Variants in MICAL2 observed in about 807,000 individuals in gnomAD.
MICAL2 encodes [F-actin]-monooxygenase MICAL2.
MICAL2 carries 77 observed loss-of-function variants against 127.3 expected under a neutral mutation model. That is an observed-to-expected ratio of 0.60 (90% confidence interval 0.50 to 0.73). The LOEUF (loss-of-function observed/expected upper bound fraction) is 0.73, where lower values mean the gene tolerates loss of function less well. Ranked by LOEUF, MICAL2 falls within the 30% of genes least tolerant of loss-of-function variation. The pLI is 0.00. For missense variants in MICAL2, 1,351 were observed against 1,434.4 expected, an observed-to-expected ratio of 0.94 and a Z score of 0.94; for synonymous variants, 570 against 551.1, an observed-to-expected ratio of 1.03 and a Z score of -0.48.
chr11:12,287,405 T>C (rs986758563), downstream of MICAL2: 2 of 339,442 alleles, frequency 5.9e-6, no homozygotes, highest in Admixed American at 4.8e-5. Flanking sequence ...TCAGGAATTA[T>C]GGAGCCTTAG....
chr11:12,123,210 CT>C (rs1470265854), intron 1 of MICAL2, among the ~76,000 whole-genome samples: 9 of 152,198 alleles, frequency 5.9e-5, no homozygotes, highest in South Asian at 4.1e-4. Context: ...TTTAGACATA[CT>C]TTTTTTATTT....
At chr11:12,136,596 C>T (rs987140178) in intron 1 of MICAL2, among the ~76,000 whole-genome samples, 2 of 152,172 alleles carry the variant, frequency 1.3e-5, no homozygotes, top group African/African-American at 4.8e-5. Context: ...GTATCAAGCT[C>T]CTCATTTTAT....
chr11:12,230,240 A>G (rs1858052144), intron 15 of MICAL2, among the ~76,000 whole-genome samples: 3 of 152,192 alleles, frequency 2.0e-5, no homozygotes, highest in Admixed American at 6.5e-5. Flanking sequence ...AACATTTCCC[A>G]TTAGCAAAGA....
chr11:12,316,353 T>G (rs1864231449), intron 29 of MICAL2, among the ~76,000 whole-genome samples: 1 of 151,848 alleles, frequency 6.6e-6, no homozygotes, highest in African/African-American at 2.4e-5. Context: ...TATTAATGTT[T>G]TATGATTTTC....
At chr11:12,273,448 A>G (rs145728154), upstream of MICAL2, among the ~76,000 whole-genome samples, 63 of 151,972 alleles carry the variant, frequency 4.1e-4, no homozygotes, top group African/African-American at 1.4e-3. Flanking sequence ...CCCCAGTTAC[A>G]CTAACTTAGA....
chr11:12,131,726 T>G (rs994316362), intron 1 of MICAL2, among the ~76,000 whole-genome samples: 1 of 152,134 alleles, frequency 6.6e-6, no homozygotes, highest in African/African-American at 2.4e-5. Flanking sequence ...TCCAGGCAGT[T>G]GCATGGAGGC....
intron 3 of MICAL2, among the ~76,000 whole-genome samples, chr11:12,191,223 G>A (rs963726662): frequency 6.6e-6 from 1 of 152,160 alleles, no homozygotes; most frequent in African/African-American, 2.4e-5. Flanking sequence ...CCAGCACTTT[G>A]GGAGGCTGAG....
chr11:12,136,465 C>T (rs1416122317), intron 1 of MICAL2, among the ~76,000 whole-genome samples: 1 of 152,126 alleles, frequency 6.6e-6, no homozygotes, highest in Non-Finnish European at 1.5e-5. Flanking sequence ...CAAGGCAATA[C>T]CTGTACACAG....
At chr11:12,212,704 C>G (rs1370309114) in intron 6 of MICAL2, among the ~76,000 whole-genome samples, 1 of 152,002 alleles carries the variant, frequency 6.6e-6, no homozygotes, top group Non-Finnish European at 1.5e-5. Flanking sequence ...AATAGAGTCA[C>G]ATACTGAGGT....
intron 6 of MICAL2, 88 bp from the exon 7 acceptor site, chr11:12,213,167 C>T (rs931089906): frequency 7.1e-7 from 1 of 1,406,644 alleles, no homozygotes; most frequent in Non-Finnish European, 9.7e-7. Flanking sequence ...GCCTGGGAGG[C>T]ATCTGGGAAC....
intron 1 of MICAL2, among the ~76,000 whole-genome samples, chr11:12,112,807 T>C (rs1302024966): frequency 6.6e-6 from 1 of 150,812 alleles, no homozygotes; most frequent in African/African-American, 2.5e-5. Context: ...ATAAATCAGC[T>C]TTTAAGAACT....
chr11:12,192,736 T>G (rs1590273660), intron 3 of MICAL2, among the ~76,000 whole-genome samples: 1 of 151,980 alleles, frequency 6.6e-6, no homozygotes, highest in African/African-American at 2.4e-5. Flanking sequence ...TGAGATCACA[T>G]CACTGCACTC....
intron 3 of MICAL2, among the ~76,000 whole-genome samples, chr11:12,168,848 G>A (rs1366458713): frequency 1.3e-5 from 2 of 151,522 alleles, no homozygotes; most frequent in Non-Finnish European, 2.9e-5. Context: ...GTGGGAGGCT[G>A]AGGTGGGAGG....
At position 12,243,970 on chromosome 11, in the gene MICAL2, A is replaced by G; in HGVS notation, c.2659-17A>G. Reference sequence around the variant, plus strand: ...TCCTGGGATAATCCTTGTTTCTTCTATTTCTGTTCTGTGCAGAATAAACTA... The same window carrying G: ...TCCTGGGATAATCCTTGTTTCTTCTGTTTCTGTTCTGTGCAGAATAAACTA... On this transcript the variant is annotated splice_polypyrimidine_tract_variant and intron_variant, in intron 20 of 27. Coordinates refer to ENST00000683283, the MANE Select transcript of MICAL2 (RefSeq NM_001282663.2). 6.2e-7 allele frequency: 1 copy of G among 1,612,834 alleles called. No individual in the cohort carries two copies. Among genetic ancestry groups the G allele is most frequent in the East Asian group, 2.2e-5 (1 of 44,854 alleles).
chr11:12,321,944 G>A (rs1159353090), intron 30 of MICAL2, among the ~76,000 whole-genome samples: 8 of 151,810 alleles, frequency 5.3e-5, no homozygotes, highest in African/African-American at 1.2e-4. Context: ...GTGTCTAAAC[G>A]GTATTTGGCA....
intron 3 of MICAL2, among the ~76,000 whole-genome samples, chr11:12,172,794 C>G (rs968389053): frequency 2.6e-5 from 4 of 152,170 alleles, no homozygotes; most frequent in Non-Finnish European, 4.4e-5. Flanking sequence ...GTCTCCTCCC[C>G]CTGCTAATGG....
chr11:12,249,900 T>A (rs1029340263), intron 22 of MICAL2: 1 of 152,298 alleles, frequency 6.6e-6, no homozygotes, highest in East Asian at 1.9e-4. Context: ...GTGCCAGGAA[T>A]GTCGAGGTGA....
At chr11:12,225,907 C>A in intron 13 of MICAL2, 4 of 497,794 alleles carry the variant, frequency 8.0e-6, no homozygotes, top group South Asian at 2.9e-5. Flanking sequence ...ATAAATGTTC[C>A]CAAGAGGTTT....
chr11:12,132,530 C>G (rs1851503827), intron 1 of MICAL2, among the ~76,000 whole-genome samples: 1 of 152,212 alleles, frequency 6.6e-6, no homozygotes, highest in Non-Finnish European at 1.5e-5. Flanking sequence ...CCTGGATAAT[C>G]CCCCATGACT....
Sources: gnomAD v4.1 joint callset for allele counts (sites outside exome capture counted in the v4.1 genomes callset) on GRCh38, gnomAD v4.1.1 for gene constraint, MANE v1.5 for transcripts, NCBI Gene and HGNC (gene_info 2026-07-23, HGNC 2026-07-21) for gene names.